The following FSTL5 variants were observed in gnomAD, a reference collection of about 807,000 sequenced individuals.
The protein encoded by FSTL5 is follistatin-related protein 5.
In FSTL5, 62 loss-of-function variants were observed where a neutral mutation model predicts 89.1. The ratio of observed to expected loss-of-function variants is 0.70; its 90% CI spans 0.57 to 0.86. FSTL5 has a LOEUF of 0.86. FSTL5 is among the 40% of genes least tolerant of loss of function. The probability of loss-of-function intolerance (pLI) is 0.00; values close to 1 mark genes in which losing one functional copy is unlikely to be tolerated. For missense variants in FSTL5, 1,057 were observed against 1,001.6 expected (o/e 1.06, Z -0.75); for synonymous variants, 383 against 346.2 (o/e 1.11, Z -1.18).
At chr4:162,090,501 C>G (rs1730502935) in intron 2 of FSTL5, among the ~76,000 whole-genome samples, 1 of 152,074 alleles carries the variant, frequency 6.6e-6, no homozygotes, top group Non-Finnish European at 1.5e-5. Context: ...CTCAAAATCA[C>G]TAAGCATTAG....
At chr4:162,116,002 C>T (rs558458850) in intron 1 of FSTL5, among the ~76,000 whole-genome samples, 169 of 152,112 alleles carry the variant, frequency 1.1e-3, no homozygotes, top group African/African-American at 3.9e-3. Context: ...TCGTAGCATG[C>T]CTTTGAATGA....
At chr4:161,781,677 G>A (rs189388637) in intron 4 of FSTL5, among the ~76,000 whole-genome samples, 5 of 152,166 alleles carry the variant, frequency 3.3e-5, no homozygotes, top group Middle Eastern at 3.4e-3. Flanking sequence ...CTCTTCCCCA[G>A]CTATCGACAT....
In FSTL5 at chr4:162,089,632, C is replaced by CAA. The variant is rs755573032; in HGVS notation, c.126+21637_126+21638dup. 1.0e-3 allele frequency among the ~76,000 whole-genome samples: 44 copies of CAA among 42,536 alleles called. 1 individual carries two copies. Among genetic ancestry groups the CAA allele is most frequent in the African/African-American group, 2.7e-3 (34 of 12,532 alleles). 27.9% of individuals were successfully genotyped at this position (42,536 alleles called of 152,430 possible). A position where few individuals can be genotyped will look rare whatever the true frequency, so the allele number is the denominator to read the frequency against. On this transcript the variant is annotated intron_variant, in intron 2 of 15. Transcript: ENST00000306100. ...TGGGCCACAGAGCAAGAATCTGTCT[C>CAA]AAAAAAAAAAAAAAAAAAGAAAAAA...
rs1357870085 is a variant in FSTL5 at position 161,949,944 on chromosome 4, T to TTCTATTAATTGTTTTGTC, written c.161-29310_161-29293dup. Reference sequence around the variant, plus strand: ...AAATCTAAGATATTTCTACATTTGCTTCTATTAATTGTTTTGTCTCTTGAT... The same window carrying TTCTATTAATTGTTTTGTC: ...AAATCTAAGATATTTCTACATTTGCTTCTATTAATTGTTTTGTCTCTATTAATTGTTTTGTCTCTTGAT... On this transcript the variant is annotated intron_variant, in intron 3 of 15. Coordinates refer to ENST00000306100, the MANE Select transcript of FSTL5 (RefSeq NM_020116.5). Among the ~76,000 whole-genome samples, 78 of 152,280 alleles carry TTCTATTAATTGTTTTGTC rather than the reference T, an allele frequency of 5.1e-4. 1 individual carries two copies. Among genetic ancestry groups the TTCTATTAATTGTTTTGTC allele is most frequent in the Non-Finnish European group, 7.4e-5 (5 of 68,022 alleles).
At chr4:162,115,646 T>C (rs946566782) in intron 1 of FSTL5, among the ~76,000 whole-genome samples, 2 of 152,178 alleles carry the variant, frequency 1.3e-5, no homozygotes, top group Non-Finnish European at 2.9e-5. Context: ...CATTATTAAC[T>C]TGAAGAAAAC....
chr4:161,443,543 C>T (rs1415179957), intron 15 of FSTL5, among the ~76,000 whole-genome samples: 1 of 151,714 alleles, frequency 6.6e-6, no homozygotes, highest in Non-Finnish European at 1.5e-5. Context: ...ATCTGTATGA[C>T]ATTTCCTATT....
At chr4:161,423,429 A>C (rs767574314) in intron 15 of FSTL5, among the ~76,000 whole-genome samples, 28 of 152,220 alleles carry the variant, frequency 1.8e-4, no homozygotes, top group Non-Finnish European at 3.5e-4. Context: ...TTCATTGACT[A>C]TATGTGTTTG....
intron 10 of FSTL5, among the ~76,000 whole-genome samples, chr4:161,536,919 A>T (rs1025556206): frequency 2.0e-5 from 3 of 152,214 alleles, no homozygotes; most frequent in Non-Finnish European, 2.9e-5. Context: ...ACAGAAAGTG[A>T]ATTACAAGTT....
intron 3 of FSTL5, among the ~76,000 whole-genome samples, chr4:161,980,764 CTTTTTTTTT>C (rs34223215): frequency 4.2e-5 from 3 of 71,824 alleles, no homozygotes; most frequent in South Asian, 6.7e-4. Context: ...CTTCAAGTAA[CTTTTTTTTT>C]TTTTTTTTTT....
chr4:161,597,928 AC>A (rs1158271224), intron 7 of FSTL5, among the ~76,000 whole-genome samples: 1 of 152,192 alleles, frequency 6.6e-6, no homozygotes, highest in East Asian at 1.9e-4. Context: ...TACGACATGA[AC>A]AATATTCATT....
intron 3 of FSTL5, among the ~76,000 whole-genome samples, chr4:161,971,435 A>G (rs1435672359): frequency 6.6e-6 from 1 of 152,120 alleles, no homozygotes; most frequent in Non-Finnish European, 1.5e-5. Context: ...TTAATTCCTT[A>G]TATTCACATC....
At chr4:161,572,343 A>AAG (rs529266724) in intron 8 of FSTL5, among the ~76,000 whole-genome samples, 7,277 of 123,808 alleles carry the variant, frequency 0.059, 498 homozygotes, top group East Asian at 0.25. Context: ...AAAAAAAAAA[A>AAG]AGAGAGAGAG....
intron 15 of FSTL5, among the ~76,000 whole-genome samples, chr4:161,427,290 T>G (rs1318201462): frequency 2.6e-5 from 4 of 152,228 alleles, no homozygotes; most frequent in African/African-American, 9.6e-5. Flanking sequence ...ACAGATCTTC[T>G]CCTCTGGGGA....
chr4:161,945,082 G>A (rs948302128), intron 3 of FSTL5, among the ~76,000 whole-genome samples: 6 of 152,042 alleles, frequency 3.9e-5, no homozygotes, highest in Non-Finnish European at 7.4e-5. Flanking sequence ...ATGAATTAAA[G>A]GTAAAAGGTA....
intron 4 of FSTL5, among the ~76,000 whole-genome samples, chr4:161,816,050 C>T (rs990794393): frequency 1.3e-5 from 2 of 152,148 alleles, no homozygotes; most frequent in African/African-American, 4.8e-5. Context: ...TGGCATCAGT[C>T]CTGTGGGCTA....
chr4:162,125,767 TG>T (rs1455151794), intron 1 of FSTL5, among the ~76,000 whole-genome samples: 1 of 152,094 alleles, frequency 6.6e-6, no homozygotes, highest in East Asian at 1.9e-4. Context: ...TGTATAAAGT[TG>T]TTTTTTTACT....
intron 15 of FSTL5, among the ~76,000 whole-genome samples, chr4:161,407,385 T>C (rs1731422919): frequency 6.6e-6 from 1 of 152,198 alleles, no homozygotes; most frequent in South Asian, 2.1e-4. Flanking sequence ...GAAAACTGAA[T>C]GAGGATGGGG....
Position 161,587,461 on chromosome 4 carries a change from C to T in FSTL5, c.1009G>A (p.Val337Met). ...AACAAAAATCACTTCTTACCATTCA[C>T]TTGGAAGATGTGAGTCTGATAGACT... ...EQVYQTHIFQ[V>M]NVPPVIRVYP... is the part of the protein sequence containing the mutation. The change falls in exon 8 of 16, where the codon GTG becomes ATG. Residue 337 changes from valine to methionine, a missense_variant. Physicochemically the swap from Val to Met is conservative, Grantham distance 21 (BLOSUM62 1). This residue lies in a region of FSTL5 where 980 missense variants were observed against 903.2 expected (regional missense o/e 1.08). Coordinates refer to ENST00000306100, the MANE Select transcript of FSTL5 (RefSeq NM_020116.5). 1 of 1,613,224 alleles carries T rather than the reference C, an allele frequency of 6.2e-7. No individual in the cohort carries two copies. The highest frequency in any genetic ancestry group is 8.5e-7 in the Non-Finnish European group (1 of 1,179,448).
chr4:161,929,128 C>G (rs984908421), intron 3 of FSTL5, among the ~76,000 whole-genome samples: 3 of 151,490 alleles, frequency 2.0e-5, no homozygotes, highest in Non-Finnish European at 4.4e-5. Context: ...CCTTCCCTCC[C>G]TCCCTCTGTT....
Sources: allele counts gnomAD v4.1 joint callset (sites outside exome capture counted in the v4.1 genomes callset), GRCh38; gene constraint gnomAD v4.1.1; regional missense constraint gnomAD v4.1.1; transcripts MANE v1.5; gene names NCBI Gene and HGNC (gene_info 2026-07-23, HGNC 2026-07-21).